The following RASGRF2 variants were observed in gnomAD, a reference collection of about 807,000 sequenced individuals.
The protein encoded by RASGRF2 is ras-specific guanine nucleotide-releasing factor 2.
In RASGRF2, 76 loss-of-function variants were observed where a neutral mutation model predicts 151.0. That is an observed-to-expected ratio of 0.50 (90% CI 0.42 to 0.61). RASGRF2 has a LOEUF of 0.61. RASGRF2 is among the 20% of genes least tolerant of loss of function. The probability of loss-of-function intolerance (pLI) is 0.00; values close to 1 mark genes in which losing one functional copy is unlikely to be tolerated. For missense variants in RASGRF2, 1,148 were observed against 1,564.6 expected, an observed-to-expected ratio of 0.73 and a Z score of 4.49; for synonymous variants, 504 against 566.5, an observed-to-expected ratio of 0.89 and a Z score of 1.57.
intron 2 of RASGRF2, among the ~76,000 whole-genome samples, chr5:81,060,911 C>G (rs1398478436): frequency 1.3e-5 from 2 of 152,112 alleles, no homozygotes; most frequent in Non-Finnish European, 2.9e-5. Flanking sequence ...GTATGTCTCT[C>G]ATTAGAGTAC....
intron 19 of RASGRF2, among the ~76,000 whole-genome samples, chr5:81,202,076 C>G (rs532696898): frequency 5.3e-5 from 8 of 152,248 alleles, no homozygotes; most frequent in African/African-American, 1.7e-4. Flanking sequence ...CACCCAGTAT[C>G]CAAGTGGGTA....
intron 1 of RASGRF2, among the ~76,000 whole-genome samples, chr5:80,974,746 T>C (rs889938547): frequency 7.9e-5 from 12 of 152,228 alleles, no homozygotes; most frequent in African/African-American, 2.2e-4. Flanking sequence ...AAAGTCTTTA[T>C]GAATCGGTTT....
At chr5:80,998,104 T>C (rs55951889) in intron 1 of RASGRF2, 50,269 of 151,912 alleles carry the variant, frequency 0.33, 9,040 homozygotes, top group Middle Eastern at 0.48. Context: ...GGGCTTTGAG[T>C]GACCAGAACC....
chr5:81,163,234 C>T lies in RASGRF2; in HGVS notation c.2687-16941C>T, dbSNP rs891553589. Among the ~76,000 whole-genome samples the T allele has an allele frequency of 3.9e-5, 6 of 151,996 alleles. No homozygotes were observed. The East Asian group carries it at 5.8e-4, about 15-fold the overall frequency. On this transcript the variant is annotated intron_variant, in intron 17 of 26. Transcript: ENST00000265080. Reference sequence around the variant, plus strand: ...AGGAAAATAGCCTCCACCTCACTTCCGTCTTCTGGGCCTTGATACTCCATT... The same window carrying T: ...AGGAAAATAGCCTCCACCTCACTTCTGTCTTCTGGGCCTTGATACTCCATT...
rs760145489 is a variant in RASGRF2, at chr5:81,219,703, CT to C, written c.3553-6del. 3.7e-6 allele frequency: 6 copies of C among 1,604,136 alleles called. No homozygotes were observed. The highest frequency in any genetic ancestry group is 5.1e-6 in the Non-Finnish European group (6 of 1,171,632). ...TTGTCATTTTGTTTTGTTTTTTTCTCTGTTAGATATCACACATCATCAGAGA... is the reference window on the plus strand; with the variant it reads ...TTGTCATTTTGTTTTGTTTTTTTCTCGTTAGATATCACACATCATCAGAGA... On this transcript the variant is annotated splice_polypyrimidine_tract_variant and splice_region_variant and intron_variant, in intron 25 of 26. Coordinates refer to ENST00000265080, the MANE Select transcript of RASGRF2 (RefSeq NM_006909.3).
At chr5:81,158,370 G>A (rs908328906) in intron 17 of RASGRF2, among the ~76,000 whole-genome samples, 2 of 152,084 alleles carry the variant, frequency 1.3e-5, no homozygotes, top group South Asian at 2.1e-4. Context: ...AAACATAGGA[G>A]AAATTGTTAG....
At chr5:81,068,284 T>C in intron 3 of RASGRF2, 105 bp downstream of exon 3, 1 of 1,332,370 alleles carries the variant, frequency 7.5e-7, no homozygotes, top group South Asian at 1.5e-5. Flanking sequence ...CCAGGCTGAC[T>C]TCCTCTGACA....
intron 1 of RASGRF2, 58 bp from the exon 2 acceptor site, chr5:81,042,819 T>C: frequency 8.2e-7 from 1 of 1,213,420 alleles, no homozygotes; most frequent in South Asian, 1.3e-5. Context: ...TACTGTGTTA[T>C]TATGCTGTTG....
At chr5:81,094,417 G>A (rs1752478901) in intron 11 of RASGRF2, 55 bp downstream of exon 11, 23 of 1,512,132 alleles carry the variant, frequency 1.5e-5, no homozygotes, top group Non-Finnish European at 2.0e-5. Flanking sequence ...GGGAGAGAGA[G>A]GCTGAGGATA....
rs188268880 is a variant in RASGRF2, at chr5:81,073,838, C to T, written c.887+386C>T. ...TTCACCGTGTTAGACAGGATGGTCTCGATCTCCTGACCTCGTGATCTGCCT... is the reference window on the plus strand; with the variant it reads ...TTCACCGTGTTAGACAGGATGGTCTTGATCTCCTGACCTCGTGATCTGCCT... On this transcript the variant is annotated intron_variant, in intron 5 of 26. Coordinates refer to ENST00000265080, the MANE Select transcript of RASGRF2 (RefSeq NM_006909.3). 1.3e-3 allele frequency among the ~76,000 whole-genome samples: 204 copies of T among 152,206 alleles called. 4 individuals are homozygous for T. The East Asian group carries it at 0.037, about 28-fold the overall frequency.
intron 2 of RASGRF2, among the ~76,000 whole-genome samples, chr5:81,063,664 A>C (rs1751509824): frequency 6.6e-6 from 1 of 151,840 alleles, no homozygotes; most frequent in African/African-American, 2.4e-5. Context: ...TTCCTTTTAT[A>C]TTTCCAATCT....
intron 17 of RASGRF2, among the ~76,000 whole-genome samples, chr5:81,138,172 G>A (rs949737243): frequency 6.6e-6 from 1 of 152,132 alleles, no homozygotes; most frequent in African/African-American, 2.4e-5. Flanking sequence ...GTGATGGTGG[G>A]GAGGAGGAGT....
intron 2 of RASGRF2, among the ~76,000 whole-genome samples, chr5:81,056,340 T>C (rs993789435): frequency 6.6e-6 from 1 of 152,238 alleles, no homozygotes; most frequent in Non-Finnish European, 1.5e-5. Context: ...TTTGTTCTCA[T>C]TGGTTTCAAA....
At chr5:80,972,332 A>C (rs1747964479) in intron 1 of RASGRF2, among the ~76,000 whole-genome samples, 1 of 152,208 alleles carries the variant, frequency 6.6e-6, no homozygotes, top group Non-Finnish European at 1.5e-5. Flanking sequence ...GTTACTTTCC[A>C]ACCTTGCCAA....
intron 2 of RASGRF2, among the ~76,000 whole-genome samples, chr5:81,056,442 G>A (rs1275039149): frequency 6.6e-6 from 1 of 152,222 alleles, no homozygotes; most frequent in Non-Finnish European, 1.5e-5. Context: ...GCGGTTTTGA[G>A]TGAGTTTCTT....
chr5:81,153,696 G>A (rs185027709), intron 17 of RASGRF2, among the ~76,000 whole-genome samples: 119 of 151,996 alleles, frequency 7.8e-4, no homozygotes, highest in Non-Finnish European at 9.9e-4. Context: ...GAAAAATGGC[G>A]GATATAAATA....
At chr5:81,224,310 T>C (rs1315947359) in intron 26 of RASGRF2, among the ~76,000 whole-genome samples, 1 of 152,206 alleles carries the variant, frequency 6.6e-6, no homozygotes, top group African/African-American at 2.4e-5. Context: ...AAACATTGCT[T>C]AGGGTATAGG....
chr5:80,980,316 G>A (rs1748256899), intron 1 of RASGRF2, among the ~76,000 whole-genome samples: 1 of 152,112 alleles, frequency 6.6e-6, no homozygotes, highest in African/African-American at 2.4e-5. Flanking sequence ...TTTTGGAAAT[G>A]AGGGTGATTT....
intron 22 of RASGRF2, among the ~76,000 whole-genome samples, chr5:81,211,146 G>GAAA (rs34983763): frequency 5.5e-5 from 7 of 126,420 alleles, no homozygotes; most frequent in Non-Finnish European, 6.7e-5. Context: ...CCTGTCTCCA[G>GAAA]AAAAAAAAAA....
Sources: gnomAD v4.1 joint callset for allele counts (sites outside exome capture counted in the v4.1 genomes callset) on GRCh38, gnomAD v4.1.1 for gene constraint, MANE v1.5 for transcripts, NCBI Gene and HGNC (gene_info 2026-07-23, HGNC 2026-07-21) for gene names.